FAM193B: variants seen among roughly 807,000 people sequenced by gnomAD.
FAM193B encodes the protein protein FAM193B.
A neutral mutation model predicts 70.7 loss-of-function variants in FAM193B; 27 were observed. The ratio of observed to expected loss-of-function variants is 0.38; its 90% confidence interval spans 0.28 to 0.53. The LOEUF (loss-of-function observed/expected upper bound fraction) is 0.53, where lower values mean the gene tolerates loss of function less well. FAM193B is among the 20% of genes least tolerant of loss of function. The pLI, the probability that FAM193B is intolerant of heterozygous loss-of-function variation, is 0.81. For synonymous variants in FAM193B, 448 were observed against 436.0 expected (o/e 1.03, Z -0.34); for missense variants, 1,022 against 1,072.5 (o/e 0.95, Z 0.66).
intron 1 of FAM193B, among the ~76,000 whole-genome samples, chr5:177,543,666 T>A (rs1282583121): frequency 6.6e-6 from 1 of 152,256 alleles, no homozygotes; most frequent in East Asian, 1.9e-4. Flanking sequence ...GTTATATTTA[T>A]AGTCAGTAAT....
At chr5:177,549,333 T>C (rs1581942053) in intron 1 of FAM193B, among the ~76,000 whole-genome samples, 2 of 151,868 alleles carry the variant, frequency 1.3e-5, no homozygotes, top group East Asian at 3.9e-4. Context: ...GCTGGGACTA[T>C]AGGTGCCCGC....
At chr5:177,540,306 C>T (rs1233746484) in intron 1 of FAM193B, among the ~76,000 whole-genome samples, 38 of 102,454 alleles carry the variant, frequency 3.7e-4, no homozygotes, top group Non-Finnish European at 5.2e-4. Context: ...GACTCCGTCT[C>T]AAAAAAAAAA....
chr5:177,534,365 C>A (rs1205505004), intron 4 of FAM193B, among the ~76,000 whole-genome samples: 1 of 148,038 alleles, frequency 6.8e-6, no homozygotes, highest in Non-Finnish European at 1.5e-5. Context: ...GTTGCGACCT[C>A]GGCTCACTGC....
intron 5 of FAM193B, among the ~76,000 whole-genome samples, chr5:177,528,705 G>A (rs988986921): frequency 2.0e-5 from 3 of 152,178 alleles, no homozygotes; most frequent in African/African-American, 2.4e-5. Context: ...GTGTGGGCTC[G>A]GAAGGCCTAG....
At chr5:177,549,453 A>C (rs1274264394) in intron 1 of FAM193B, among the ~76,000 whole-genome samples, 1 of 152,064 alleles carries the variant, frequency 6.6e-6, no homozygotes, top group Non-Finnish European at 1.5e-5. Flanking sequence ...TCGGCCTCCC[A>C]AAGTGCTGGG....
intron 4 of FAM193B, among the ~76,000 whole-genome samples, chr5:177,535,313 T>C (rs1186485735): frequency 3.3e-5 from 5 of 152,238 alleles, no homozygotes. Flanking sequence ...GAGGCAACGC[T>C]AAGTGAAAAC....
chr5:177,536,183 G>A (rs1764139971), intron 4 of FAM193B, 175 bp downstream of exon 4: 1 of 699,794 alleles, frequency 1.4e-6, no homozygotes, highest in South Asian at 1.8e-5. Context: ...AAAGCGCTAG[G>A]AGTATAGGTG....
chr5:177,547,737 CCTA>C (rs2127488738), intron 1 of FAM193B, among the ~76,000 whole-genome samples: 1 of 152,242 alleles, frequency 6.6e-6, no homozygotes, highest in South Asian at 2.1e-4. Context: ...CTTTAGTTTC[CCTA>C]CATCATTTTT....
At position 177,532,354 on chromosome 5, in the gene FAM193B, A is replaced by G; in HGVS notation, c.1275+89T>C. ...CCCCAGCACGGTAATTACCACCGTGAGCAACGGGGTCTCTGGGGAGAGCAG... is the reference window on the plus strand; with the variant it reads ...CCCCAGCACGGTAATTACCACCGTGGGCAACGGGGTCTCTGGGGAGAGCAG... On this transcript the variant is annotated intron_variant, in intron 5 of 8. Coordinates refer to ENST00000514747, the MANE Select transcript of FAM193B (RefSeq NM_001190946.3). This position sits in a 1 kb window ranked among gnomAD's most constrained non-coding sequence, Gnocchi z 4.9. 1 of 1,512,644 alleles carries G rather than the reference A, an allele frequency of 6.6e-7. No individual in the cohort carries two copies. Among genetic ancestry groups the G allele is most frequent in the Non-Finnish European group, 8.8e-7 (1 of 1,131,322 alleles). The allele number at this position is 1,512,644 out of a possible 1,614,324, so 93.7% of individuals were successfully genotyped here.
intron 1 of FAM193B, 46 bp from the exon 2 acceptor site, chr5:177,539,193 T>C (rs778997765): frequency 6.7e-7 from 1 of 1,494,982 alleles, no homozygotes; most frequent in East Asian, 2.5e-5. Context: ...GGAAAGGCTC[T>C]CCTTCAAAAT....
rs758308940 is a variant in FAM193B at position 177,554,268 on chromosome 5, T to C, written c.191A>G (p.Asn64Ser). The C allele has an allele frequency of 8.0e-5, 118 of 1,475,282 alleles. No individual in the cohort carries two copies. The highest frequency in any genetic ancestry group is 6.9e-4 in the South Asian group (54 of 78,036). The allele number at this position is 1,475,282 out of a possible 1,614,324, so 91.4% of individuals were successfully genotyped here. Residue 64 changes from asparagine to serine, a missense_variant, in exon 1 of 9, where the codon AAC becomes AGC. Coordinates refer to ENST00000514747, the MANE Select transcript of FAM193B (RefSeq NM_001190946.3). ...TCCTACCTGCGGGCCGGGCACCAGGTTGGGTTCGTCATCCTCCCTGGGGCC... is the reference window on the plus strand; with the variant it reads ...TCCTACCTGCGGGCCGGGCACCAGGCTGGGTTCGTCATCCTCCCTGGGGCC... ...HDGPREDDEPNLVPGPQVPPA... is the reference protein window; with the variant it reads ...HDGPREDDEPSLVPGPQVPPA...
rs774085711 is a variant in FAM193B, at chr5:177,532,326, C to T, written c.1275+117G>A. 4.0e-6 allele frequency: 6 copies of T among 1,488,920 alleles called. No individual in the cohort carries two copies. The highest frequency in any genetic ancestry group is 2.6e-5 in the South Asian group (2 of 78,268). The allele number at this position is 1,488,920 out of a possible 1,614,324, so 92.2% of individuals were successfully genotyped here. A position where few individuals can be genotyped will look rare whatever the true frequency, so the allele number is the denominator to read the frequency against. On this transcript the variant is annotated intron_variant, in intron 5 of 8. Transcript: ENST00000514747. This position sits in a 1 kb window ranked among gnomAD's most constrained non-coding sequence, Gnocchi z 4.9. Reference sequence around the variant, plus strand: ...GAGCAGACGCAGGTGCAAGGACTCACGGCCCCAGCACGGTAATTACCACCG... The same window carrying T: ...GAGCAGACGCAGGTGCAAGGACTCATGGCCCCAGCACGGTAATTACCACCG...
intron 1 of FAM193B, 191 bp from the exon 2 acceptor site, chr5:177,539,338 G>C: frequency 1.5e-6 from 1 of 678,628 alleles, no homozygotes; most frequent in Non-Finnish European, 2.3e-6. Flanking sequence ...TTAAGATGAA[G>C]AAACAGATTT....
intron 4 of FAM193B, among the ~76,000 whole-genome samples, chr5:177,534,104 C>G (rs1031366183): frequency 9.2e-5 from 14 of 152,256 alleles, no homozygotes; most frequent in African/African-American, 3.4e-4. Context: ...AGAGCAAGGA[C>G]GGAGCTCAAG....
rs1227046965 is a variant in FAM193B, at chr5:177,524,817, G to A, written c.1664C>T (p.Pro555Leu). The A allele has an allele frequency of 3.3e-6, 5 of 1,512,498 alleles. No homozygotes were observed. Among genetic ancestry groups the A allele is most frequent in the African/African-American group, 1.4e-5 (1 of 71,582 alleles). The allele number at this position is 1,512,498 out of a possible 1,614,324, so 93.7% of individuals were successfully genotyped here. A position where few individuals can be genotyped will look rare whatever the true frequency, so the allele number is the denominator to read the frequency against. The change falls in exon 6 of 9, where the codon CCA becomes CTA. Residue 555 changes from proline to leucine, a missense_variant. Pro to Leu is a moderately conservative substitution (Grantham distance 98). Transcript: ENST00000514747. ...GGGGCCTCTCATTTCTGCCCATGGT[G>A]GGGCTGGCTCGCCTGGAGCTTGTAA... ...HTLQAPGEPA[P>L]PWAEMRGPHP...
In FAM193B at chr5:177,538,002, G is replaced by A. The variant is rs1179798597; in HGVS notation, c.559C>T (p.Pro187Ser). The stretch of plus-strand genomic sequence containing the variant: ...GGATCCCAGTCTCCCGAGTTCCCAG[G>A]GCAGGAAGAGGAGGACGAGGATGAG... ...SSSSSSSSSC[P>S]GNSGDWDPSS... Residue 187 changes from proline (P) to serine (S), a missense_variant, in exon 3 of 9, where the codon CCT (proline) becomes TCT (serine). Coordinates refer to ENST00000514747, the MANE Select transcript of FAM193B (RefSeq NM_001190946.3). The surrounding 1 kb of genome is among the most constrained non-coding windows in gnomAD (Gnocchi z 4.1). 6.4e-7 allele frequency: 1 copy of A among 1,558,028 alleles called. No homozygotes were observed. The highest frequency in any genetic ancestry group is 2.4e-5 in the East Asian group (1 of 41,512).
chr5:177,539,964 A>G (rs1444400420), intron 1 of FAM193B, among the ~76,000 whole-genome samples: 2 of 151,828 alleles, frequency 1.3e-5, no homozygotes, highest in Non-Finnish European at 1.5e-5. Context: ...GGCCCAATAC[A>G]GTCATTATTT....
intron 5 of FAM193B, chr5:177,531,546 C>T (rs1254560480): frequency 1.6e-6 from 2 of 1,268,162 alleles, no homozygotes; most frequent in Non-Finnish European, 2.1e-6. Flanking sequence ...GAGGTGCTGA[C>T]ATTACACCCT....
Position 177,524,168 on chromosome 5 carries a change from G to A in FAM193B, c.2296+17C>T. On this transcript the variant is annotated intron_variant, in intron 6 of 8. Transcript: ENST00000514747. ...GCTGGGGTAGGGGGTCAGCCGCTCA[G>A]TTCCTGGTGCACTCACCCAAGGAGG... is the stretch of plus-strand genomic sequence containing the variant. The A allele has an allele frequency of 6.3e-7, 1 of 1,579,266 alleles. No homozygotes were observed. Among genetic ancestry groups the A allele is most frequent in the Non-Finnish European group, 8.6e-7 (1 of 1,161,656 alleles).
Sources: gnomAD v4.1 joint callset for allele counts (sites outside exome capture counted in the v4.1 genomes callset) on GRCh38, gnomAD v4.1.1 for gene constraint, Gnocchi (gnomAD v3.1) non-coding constraint, MANE v1.5 for transcripts, NCBI Gene and HGNC (gene_info 2026-07-23, HGNC 2026-07-21) for gene names.